Variants in MACROD2 observed in about 807,000 individuals in gnomAD.
MACROD2 encodes ADP-ribose glycohydrolase MACROD2.
A neutral mutation model predicts 70.4 loss-of-function variants in MACROD2; 36 were observed. The observed-to-expected ratio is 0.51, with a 90% CI of 0.39 to 0.68. MACROD2 has a LOEUF of 0.68. Among genes scored for constraint, MACROD2 ranks in the 30% least tolerant of loss-of-function variants. The pLI is 0.00. For synonymous variants in MACROD2, 172 were observed against 178.8 expected, an observed-to-expected ratio of 0.96 and a Z score of 0.30; for missense variants, 496 against 538.4, an observed-to-expected ratio of 0.92 and a Z score of 0.78.
intron 5 of MACROD2, among the ~76,000 whole-genome samples, chr20:15,041,659 G>A (rs1170779590): frequency 2.6e-5 from 4 of 152,158 alleles, no homozygotes; most frequent in African/African-American, 7.2e-5. Flanking sequence ...GCCCAGGCTG[G>A]TCTCAAGCTC....
At chr20:14,771,162 G>T (rs751211380) in intron 5 of MACROD2, among the ~76,000 whole-genome samples, 7 of 152,016 alleles carry the variant, frequency 4.6e-5, no homozygotes, top group African/African-American at 7.3e-5. Flanking sequence ...GCTTGAGCTG[G>T]AACATCAGTC....
intron 3 of MACROD2, among the ~76,000 whole-genome samples, chr20:14,198,145 A>G (rs1429477810): frequency 6.6e-6 from 1 of 151,788 alleles, no homozygotes; most frequent in Non-Finnish European, 1.5e-5. Flanking sequence ...TGAGAGAGAG[A>G]GGGGAGAAGC....
At chr20:14,046,042 A>G (rs2053469353) in intron 2 of MACROD2, among the ~76,000 whole-genome samples, 1 of 152,242 alleles carries the variant, frequency 6.6e-6, no homozygotes, top group Admixed American at 6.5e-5. Flanking sequence ...TCAGAAAAGG[A>G]TAATGAAAAG....
intron 5 of MACROD2, among the ~76,000 whole-genome samples, chr20:15,101,615 GA>G (rs1217370521): frequency 6.8e-6 from 1 of 146,848 alleles, no homozygotes; most frequent in Non-Finnish European, 1.5e-5. Context: ...TTGGTGGTTG[GA>G]AGCTATTCAT....
intron 5 of MACROD2, among the ~76,000 whole-genome samples, chr20:15,184,256 T>A (rs866862095): frequency 3.9e-4 from 60 of 152,182 alleles, no homozygotes; most frequent in African/African-American, 1.4e-3. Flanking sequence ...AACAATTCTA[T>A]CTTTAGGGGA....
intron 7 of MACROD2, among the ~76,000 whole-genome samples, chr20:15,454,451 ACACC>A (rs1286907497): frequency 1.4e-5 from 2 of 140,746 alleles, no homozygotes; most frequent in African/African-American, 5.5e-5. Context: ...ACACACACAC[ACACC>A]CTTATTATAC....
intron 7 of MACROD2, among the ~76,000 whole-genome samples, chr20:15,495,527 C>T (rs1159789545): frequency 1.3e-4 from 20 of 152,206 alleles, no homozygotes. Context: ...CCTTCCTCCT[C>T]CCCATACTCT....
chr20:14,625,366 G>A (rs1813193078), intron 4 of MACROD2, among the ~76,000 whole-genome samples: 1 of 151,764 alleles, frequency 6.6e-6, no homozygotes. Flanking sequence ...AGGAATGAGG[G>A]GGTATAGGAA....
chr20:15,693,827 C>G (rs116861987), intron 8 of MACROD2, among the ~76,000 whole-genome samples: 1 of 152,232 alleles, frequency 6.6e-6, no homozygotes, highest in Non-Finnish European at 1.5e-5. Flanking sequence ...GAGCAGTACA[C>G]ACTCTACCAT....
chr20:15,355,347 C>G (rs939159527), intron 6 of MACROD2, among the ~76,000 whole-genome samples: 2 of 152,134 alleles, frequency 1.3e-5, no homozygotes, highest in Non-Finnish European at 1.5e-5. Context: ...CCTATAATTA[C>G]AGTTTATTAT....
intron 5 of MACROD2, among the ~76,000 whole-genome samples, chr20:14,977,658 T>C (rs2074753815): frequency 6.6e-6 from 1 of 152,026 alleles, no homozygotes; most frequent in South Asian, 2.1e-4. Context: ...ATAACCGTTG[T>C]ACAAGTGTGT....
chr20:15,145,596 C>T lies in MACROD2; in HGVS notation c.419-84344C>T, dbSNP rs1210164234. Among the ~76,000 whole-genome samples the T allele has an allele frequency of 2.6e-5, 4 of 152,102 alleles. No individual in the cohort carries two copies. In the East Asian group the frequency reaches 7.7e-4, roughly 29 times the overall value. ...TAATGACAATTAATTTTAAATAGGG[C>T]TTCTCTAGTACAGTACAAATAAAGA... On this transcript the variant is annotated intron_variant, in intron 5 of 17. Transcript: ENST00000684519.
intron 7 of MACROD2, among the ~76,000 whole-genome samples, chr20:15,473,459 T>A (rs903941992): frequency 1.3e-5 from 2 of 152,182 alleles, no homozygotes; most frequent in Non-Finnish European, 2.9e-5. Context: ...AAAATTAGAC[T>A]GGGTGAATGT....
At chr20:15,498,566 A>C (rs77110355) in intron 7 of MACROD2, among the ~76,000 whole-genome samples, 7,688 of 152,244 alleles carry the variant, frequency 0.05, 632 homozygotes, top group African/African-American at 0.17. Context: ...GTCAAACAGG[A>C]AGAATAAGAC....
At chr20:14,619,052 G>A (rs941500261) in intron 4 of MACROD2, among the ~76,000 whole-genome samples, 4 of 151,634 alleles carry the variant, frequency 2.6e-5, no homozygotes, top group Non-Finnish European at 4.4e-5. Context: ...TTAAAATAAC[G>A]ATCATAGCCA....
intron 5 of MACROD2, among the ~76,000 whole-genome samples, chr20:15,146,377 A>C (rs2145854230): frequency 6.6e-6 from 1 of 152,256 alleles, no homozygotes; most frequent in East Asian, 1.9e-4. Flanking sequence ...TAGTAGTGAA[A>C]ATGGAAATCA....
chr20:14,457,845 A>G (rs1691207769), intron 3 of MACROD2, among the ~76,000 whole-genome samples: 1 of 152,100 alleles, frequency 6.6e-6, no homozygotes. Flanking sequence ...CATGCCTGTA[A>G]TCCTGACACT....
intron 5 of MACROD2, among the ~76,000 whole-genome samples, chr20:14,990,187 CTA>C (rs2074888637): frequency 6.6e-6 from 1 of 152,002 alleles, no homozygotes. Context: ...TCCAAAACCC[CTA>C]TGTCAACGAA....
intron 3 of MACROD2, among the ~76,000 whole-genome samples, chr20:14,287,972 C>G: frequency 6.6e-6 from 1 of 152,066 alleles, no homozygotes; most frequent in Non-Finnish European, 1.5e-5. Flanking sequence ...ATCATGTACA[C>G]TGATCATCAA....
Sources: gnomAD v4.1 joint callset for allele counts (sites outside exome capture counted in the v4.1 genomes callset) on GRCh38, gnomAD v4.1.1 for gene constraint, MANE v1.5 for transcripts, NCBI Gene and HGNC (gene_info 2026-07-23, HGNC 2026-07-21) for gene names.